SLC4A4: variants seen among roughly 807,000 people sequenced by gnomAD.
SLC4A4 encodes solute carrier family 4 member 4.
SLC4A4 carries 27 observed loss-of-function variants against 111.5 expected under a neutral mutation model. That is an observed-to-expected ratio of 0.24 (90% CI 0.18 to 0.33). SLC4A4 has a LOEUF of 0.33. Among genes scored for constraint, SLC4A4 ranks in the 10% least tolerant of loss-of-function variants. The pLI is 1.00. For synonymous variants in SLC4A4, 443 were observed against 463.4 expected (o/e 0.96, Z 0.57); for missense variants, 909 against 1,315.5 (o/e 0.69, Z 4.78).
chr4:71,563,391 TCAG>T (rs368366188), intron 23 of SLC4A4, among the ~76,000 whole-genome samples: 6 of 151,846 alleles, frequency 4.0e-5, no homozygotes, highest in African/African-American at 1.2e-4. Flanking sequence ...AGAGACGGAA[TCAG>T]CATAAACAAA....
At chr4:71,333,517 C>A (rs560928528) in intron 3 of SLC4A4, among the ~76,000 whole-genome samples, 1 of 152,292 alleles carries the variant, frequency 6.6e-6, no homozygotes, top group African/African-American at 2.4e-5. Context: ...CACCCAAGGC[C>A]CACAGTGACC....
chr4:71,369,020 G>T (rs1362714665), intron 6 of SLC4A4, among the ~76,000 whole-genome samples: 2 of 152,020 alleles, frequency 1.3e-5, no homozygotes, highest in Non-Finnish European at 2.9e-5. Context: ...TCCTCCTCCT[G>T]TCTTCTGCTT....
intron 6 of SLC4A4, among the ~76,000 whole-genome samples, chr4:71,359,633 C>G (rs1015123823): frequency 5.9e-5 from 9 of 152,020 alleles, no homozygotes; most frequent in African/African-American, 1.9e-4. Flanking sequence ...GAATAAATTT[C>G]TAAACAAACG....
intron 3 of SLC4A4, among the ~76,000 whole-genome samples, chr4:71,338,245 A>G (rs1578867560): frequency 1.3e-5 from 2 of 152,276 alleles, no homozygotes; most frequent in South Asian, 4.1e-4. Context: ...ATTTTGATCT[A>G]TGGAATTTTA....
At chr4:71,458,550 T>G (rs2149087604) in intron 12 of SLC4A4, among the ~76,000 whole-genome samples, 1 of 152,152 alleles carries the variant, frequency 6.6e-6, no homozygotes, top group East Asian at 1.9e-4. Context: ...GTGAATTTTG[T>G]GATATTTATG....
intron 1 of SLC4A4, among the ~76,000 whole-genome samples, chr4:71,192,877 C>A (rs936187213): frequency 6.6e-6 from 1 of 152,190 alleles, no homozygotes; most frequent in Non-Finnish European, 1.5e-5. Flanking sequence ...CCAAGGTAAC[C>A]ACTCTCCTAA....
At chr4:71,282,340 C>T (rs1195412811) in intron 3 of SLC4A4, among the ~76,000 whole-genome samples, 1 of 151,454 alleles carries the variant, frequency 6.6e-6, no homozygotes, top group Non-Finnish European at 1.5e-5. Flanking sequence ...GTTGCCCAGG[C>T]TGGAGTGCAA....
chr4:71,370,064 CTT>C (rs1731719928), intron 6 of SLC4A4, among the ~76,000 whole-genome samples: 1 of 152,114 alleles, frequency 6.6e-6, no homozygotes, highest in Admixed American at 6.5e-5. Flanking sequence ...AAAATAGAAA[CTT>C]AATAATTTTC....
chr4:71,252,987 A>G (rs1285637465), intron 2 of SLC4A4, among the ~76,000 whole-genome samples: 3 of 152,230 alleles, frequency 2.0e-5, no homozygotes, highest in Non-Finnish European at 4.4e-5. Context: ...TCTGGGCACC[A>G]TAGCACTTCA....
At chr4:71,405,235 T>C (rs1720738627) in intron 7 of SLC4A4, among the ~76,000 whole-genome samples, 1 of 152,072 alleles carries the variant, frequency 6.6e-6, no homozygotes, top group South Asian at 2.1e-4. Context: ...AAAGCAAAAA[T>C]GAATAAAATA....
chr4:71,068,059 AAC>A, intron 1 of SLC4A4, among the ~76,000 whole-genome samples: 1 of 130,798 alleles, frequency 7.6e-6, no homozygotes, highest in South Asian at 2.5e-4. Flanking sequence ...TTTTTGAACA[AAC>A]GTTTTTTTTT....
At chr4:71,326,019 A>G (rs1399711916) in intron 3 of SLC4A4, among the ~76,000 whole-genome samples, 4 of 151,826 alleles carry the variant, frequency 2.6e-5, no homozygotes, top group Admixed American at 2.6e-4. Flanking sequence ...GTGTGTTTTT[A>G]GAGTGTTACA....
At chr4:71,407,147 C>A (rs1274468893) in intron 7 of SLC4A4, among the ~76,000 whole-genome samples, 3 of 152,130 alleles carry the variant, frequency 2.0e-5, no homozygotes, top group Non-Finnish European at 4.4e-5. Flanking sequence ...GTGGAACAGA[C>A]ACGTATTCAA....
chr4:71,539,882 A>C (rs1309577726), intron 18 of SLC4A4, among the ~76,000 whole-genome samples: 1 of 152,112 alleles, frequency 6.6e-6, no homozygotes, highest in Non-Finnish European at 1.5e-5. Flanking sequence ...CATGGCTCTC[A>C]GTTGTTACAC....
chr4:71,452,153 GA>G (rs2149078036), intron 11 of SLC4A4, among the ~76,000 whole-genome samples: 1 of 152,106 alleles, frequency 6.6e-6, no homozygotes, highest in African/African-American at 2.4e-5. Context: ...GAATGTGAAT[GA>G]AATGAAGTTA....
rs34772799 is a variant in SLC4A4 at position 71,534,382 on chromosome 4, A to G, written c.2436A>G (p.Lys812=). 1,129 of 1,613,306 alleles carry G rather than the reference A, an allele frequency of 7.0e-4. 8 individuals carry two copies. The African/African-American group carries it at 0.011, about 16-fold the overall frequency. ...TGATTGTAAACAGGAAAGAACATAA[A>G]CTCAAGGTAAGTGTCCATAATAATG... ...TAVIVNRKEH[K]LKKGAGYHLD... is the part of the protein sequence containing the mutation. The change falls in exon 18 of 26, where the codon AAA becomes AAG. Residue 812 remains lysine, a synonymous_variant. Transcript: ENST00000264485.
intron 3 of SLC4A4, among the ~76,000 whole-genome samples, chr4:71,263,761 T>G (rs1722037841): frequency 6.6e-6 from 1 of 152,206 alleles, no homozygotes; most frequent in Non-Finnish European, 1.5e-5. Flanking sequence ...AAATAGAAAT[T>G]GTGCATGTTT....
At chr4:71,297,509 A>AACAC (rs61184918) in intron 3 of SLC4A4, among the ~76,000 whole-genome samples, 12,953 of 131,952 alleles carry the variant, frequency 0.098, 678 homozygotes, top group Non-Finnish European at 0.11. Context: ...CACACAGACA[A>AACAC]ACACACACAC....
intron 5 of SLC4A4, among the ~76,000 whole-genome samples, chr4:71,353,592 GTTAT>G (rs1314945911): frequency 2.0e-5 from 3 of 152,248 alleles, no homozygotes; most frequent in African/African-American, 4.8e-5. Context: ...AGTTATAGTC[GTTAT>G]TTGTTTTTTA....
Sources: gnomAD v4.1 joint callset for allele counts (sites outside exome capture counted in the v4.1 genomes callset) on GRCh38, gnomAD v4.1.1 for gene constraint, MANE v1.5 for transcripts, NCBI Gene and HGNC (gene_info 2026-07-23, HGNC 2026-07-21) for gene names.